The following ZNF496 variants were observed in gnomAD, a reference collection of about 807,000 sequenced individuals.
ZNF496 encodes the protein zinc finger protein 496, also known as NSD1 (nuclear receptor binding SET-domain containing 1)-interacting zinc finger protein 1.
ZNF496 carries 11 observed loss-of-function variants against 58.9 expected under a neutral mutation model. The ratio of observed to expected loss-of-function variants is 0.19; its 90% CI spans 0.12 to 0.31. The LOEUF (loss-of-function observed/expected upper bound fraction) is 0.31. Among genes scored for constraint, ZNF496 ranks in the 10% least tolerant of loss-of-function variants. ZNF496 has a pLI of 1.00. For synonymous variants in ZNF496, 338 were observed against 318.2 expected, an observed-to-expected ratio of 1.06 and a Z score of -0.66; for missense variants, 660 against 783.0, an observed-to-expected ratio of 0.84 and a Z score of 1.88.
intron 5 of ZNF496, among the ~76,000 whole-genome samples, chr1:247,326,676 T>C (rs1660137958): frequency 6.6e-6 from 1 of 152,214 alleles, no homozygotes; most frequent in African/African-American, 2.4e-5. Context: ...AATTCCTATG[T>C]TGAAGCCCTA....
chr1:247,314,298 T>A (rs1435070958), intron 6 of ZNF496, among the ~76,000 whole-genome samples: 1 of 152,100 alleles, frequency 6.6e-6, no homozygotes, highest in African/African-American at 2.4e-5. Flanking sequence ...CTCAAGCAGT[T>A]CTCCCACCTC....
At chr1:247,315,157 A>T (rs895189379) in intron 6 of ZNF496, among the ~76,000 whole-genome samples, 1 of 145,642 alleles carries the variant, frequency 6.9e-6, no homozygotes, top group South Asian at 2.2e-4. Flanking sequence ...ATGTTAATAT[A>T]AAAAAAAAAC....
chr1:247,300,876 C>T lies in ZNF496; in HGVS notation c.1407G>A (p.Gly469=), dbSNP rs2103014410. Residue 469 remains glycine (G), a synonymous_variant, in exon 10 of 10, where the codon GGG becomes GGA. Coordinates refer to ENST00000682384, the MANE Select transcript of ZNF496 (RefSeq NM_032752.3). This position sits in a 1 kb window ranked among gnomAD's most constrained non-coding sequence, Gnocchi z 5.7. ...AQKPYRCGAC[G]KSFRLNSHLL... ...GGTGGGAGTTCAGGCGGAAGCTCTTCCCGCAGGCACCACACCGGTAAGGCT... is the reference window on the plus strand; with the variant it reads ...GGTGGGAGTTCAGGCGGAAGCTCTTTCCGCAGGCACCACACCGGTAAGGCT... The T allele has an allele frequency of 1.2e-6, 2 of 1,611,538 alleles. No homozygotes were observed. Among genetic ancestry groups the T allele is most frequent in the Middle Eastern group, 1.7e-4 (1 of 6,050 alleles).
At chr1:247,305,556 C>T (rs920403500) in intron 9 of ZNF496, among the ~76,000 whole-genome samples, 6 of 152,148 alleles carry the variant, frequency 3.9e-5, no homozygotes, top group African/African-American at 7.2e-5. Context: ...CCATGACTAT[C>T]GCCTCAGGAA....
intron 5 of ZNF496, among the ~76,000 whole-genome samples, chr1:247,324,368 G>C (rs537505655): frequency 2.5e-4 from 38 of 152,340 alleles, no homozygotes; most frequent in Admixed American, 1.4e-3. Context: ...AGTGACATGA[G>C]AGGAGTAAAC....
chr1:247,300,188 G>A lies in ZNF496; in HGVS notation c.*331C>T. On this transcript the variant is annotated 3_prime_UTR_variant, in exon 10 of 10. Coordinates refer to ENST00000682384, the MANE Select transcript of ZNF496 (RefSeq NM_032752.3). The surrounding 1 kb of genome is among the most constrained non-coding windows in gnomAD (Gnocchi z 5.7). ...TGGTGACCAGGGTGCCGCCCTGACG[G>A]GGGATAGCCCAGTTTTACTCCCCGA... 1 of 220,014 alleles carries A rather than the reference G, an allele frequency of 4.5e-6. No homozygotes were observed. Among genetic ancestry groups the A allele is most frequent in the Non-Finnish European group, 8.9e-6 (1 of 111,882 alleles). The allele number at this position is 220,014 out of a possible 1,614,324, so 13.6% of individuals were successfully genotyped here. A position where few individuals can be genotyped will look rare whatever the true frequency, so the allele number is the denominator to read the frequency against.
At chr1:247,302,933 A>G (rs1347410249) in intron 9 of ZNF496, among the ~76,000 whole-genome samples, 1 of 152,204 alleles carries the variant, frequency 6.6e-6, no homozygotes, top group Non-Finnish European at 1.5e-5. Context: ...GAAGAAAACA[A>G]AGTGACAAGG....
chr1:247,319,526 C>T (rs1659890738), intron 6 of ZNF496, among the ~76,000 whole-genome samples: 1 of 152,176 alleles, frequency 6.6e-6, no homozygotes. Flanking sequence ...GAAAGACAAA[C>T]TTAAGCCCTA....
chr1:247,306,881 A>G (rs1038344194), intron 9 of ZNF496, among the ~76,000 whole-genome samples: 5 of 152,194 alleles, frequency 3.3e-5, no homozygotes, highest in Non-Finnish European at 4.4e-5. Context: ...CGGGTGCCCC[A>G]GCTGCAATAC....
At chr1:247,323,764 A>G (rs1572091506) in intron 5 of ZNF496, among the ~76,000 whole-genome samples, 1 of 130,898 alleles carries the variant, frequency 7.6e-6, no homozygotes, top group East Asian at 2.7e-4. Flanking sequence ...CTTAAAAAGA[A>G]AAAGAAAAAA....
chr1:247,308,702 T>G lies in ZNF496; in HGVS notation c.893-114A>C. 2 of 979,738 alleles carry G rather than the reference T, an allele frequency of 2.0e-6. No individual in the cohort carries two copies. Among genetic ancestry groups the G allele is most frequent in the Middle Eastern group, 2.3e-4 (1 of 4,416 alleles). The allele number at this position is 979,738 out of a possible 1,614,324, so 60.7% of individuals were successfully genotyped here. ...GATCTGGGGGCGGCCCTGGGCTCCGTCCTGGGGACTGGCAGGGGGTGGCCA... is the reference window on the plus strand; with the variant it reads ...GATCTGGGGGCGGCCCTGGGCTCCGGCCTGGGGACTGGCAGGGGGTGGCCA... On this transcript the variant is annotated intron_variant, in intron 8 of 9. Coordinates refer to ENST00000682384, the MANE Select transcript of ZNF496 (RefSeq NM_032752.3). This position sits in a 1 kb window ranked among gnomAD's most constrained non-coding sequence, Gnocchi z 4.5.
At chr1:247,315,255 G>A (rs1284351263) in intron 6 of ZNF496, among the ~76,000 whole-genome samples, 2 of 152,104 alleles carry the variant, frequency 1.3e-5, no homozygotes, top group Non-Finnish European at 2.9e-5. Flanking sequence ...CACCTTCAAT[G>A]CCTCCAGATG....
chr1:247,309,615 G>T lies in ZNF496; in HGVS notation c.892+84C>A. ...GAAGAAGGCAATTAGGGGCCGCAGA[G>T]AGAAGCCAGAGAGTGGGCTCACCTC... On this transcript the variant is annotated intron_variant, in intron 8 of 9. Coordinates refer to ENST00000682384, the MANE Select transcript of ZNF496 (RefSeq NM_032752.3). This position sits in a 1 kb window ranked among gnomAD's most constrained non-coding sequence, Gnocchi z 4.3. 1 of 1,567,190 alleles carries T rather than the reference G, an allele frequency of 6.4e-7. No individual in the cohort carries two copies. Among genetic ancestry groups the T allele is most frequent in the East Asian group, 2.3e-5 (1 of 43,684 alleles).
chr1:247,328,771 A>T lies in ZNF496; in HGVS notation c.486T>A (p.Leu162=). Residue 162 remains leucine (L), a synonymous_variant, in exon 5 of 10, where the codon CTT becomes CTA. Transcript: ENST00000682384. ...EQLPVEPHSD[L]AKNQDAQPIT... is the part of the protein sequence containing the mutation. Reference sequence around the variant, plus strand: ...TGGGCTGGGCATCCTGGTTCTTTGCAAGGTCGCTGTGGGGCTCTACCGGCA... The same window carrying T: ...TGGGCTGGGCATCCTGGTTCTTTGCTAGGTCGCTGTGGGGCTCTACCGGCA... The T allele has an allele frequency of 6.2e-7, 1 of 1,613,700 alleles. No individual in the cohort carries two copies. The highest frequency in any genetic ancestry group is 8.5e-7 in the Non-Finnish European group (1 of 1,179,898).
In ZNF496 at chr1:247,308,422, G is replaced by C. The variant is rs927670993; in HGVS notation, c.1006+53C>G. Reference sequence around the variant, plus strand: ...CACACATGCATACATACATTCATGCGACACACCACAGACACACAGGGACAA... The same window carrying C: ...CACACATGCATACATACATTCATGCCACACACCACAGACACACAGGGACAA... On this transcript the variant is annotated intron_variant, in intron 9 of 9. Transcript: ENST00000682384. The surrounding 1 kb of genome is among the most constrained non-coding windows in gnomAD (Gnocchi z 4.5). The C allele has an allele frequency of 1.3e-6, 2 of 1,518,892 alleles. No individual in the cohort carries two copies. The highest frequency in any genetic ancestry group is 1.8e-6 in the Non-Finnish European group (2 of 1,094,960). 94.1% of individuals were successfully genotyped at this position (1,518,892 alleles called of 1,614,324 possible).
At chr1:247,318,996 TTCTGATGGGGTCTCAC>T (rs149615563) in intron 6 of ZNF496, among the ~76,000 whole-genome samples, 51,948 of 151,884 alleles carry the variant, frequency 0.34, 9,593 homozygotes, top group East Asian at 0.52. Flanking sequence ...TCTTTTTCTT[TTCTGATGGGGTCTCAC>T]TCTGTCACCC....
intron 6 of ZNF496, among the ~76,000 whole-genome samples, chr1:247,319,519 A>C (rs1233014184): frequency 6.6e-6 from 1 of 152,248 alleles, no homozygotes; most frequent in Non-Finnish European, 1.5e-5. Flanking sequence ...AAAAACAGAA[A>C]GACAAACTTA....
intron 6 of ZNF496, among the ~76,000 whole-genome samples, chr1:247,321,242 T>G (rs1178377452): frequency 6.6e-6 from 1 of 152,108 alleles, no homozygotes; most frequent in African/African-American, 2.4e-5. Flanking sequence ...TTGAGGACAT[T>G]ATGCTGAATG....
In ZNF496 at chr1:247,323,223, T is replaced by C. The variant is rs776317921; in HGVS notation, c.582A>G (p.Gln194=). 1.2e-6 allele frequency: 2 copies of C among 1,613,928 alleles called. No homozygotes were observed. The highest frequency in any genetic ancestry group is 2.2e-5 in the East Asian group (1 of 44,874). The change falls in exon 6 of 10, where the codon CAA becomes CAG. Residue 194 remains glutamine (Q), a synonymous_variant. Coordinates refer to ENST00000682384, the MANE Select transcript of ZNF496 (RefSeq NM_032752.3). ...PSQLSGDPVL[Q]DAFLLQEENV... ...TCTCTTCCTGAAGAAGGAAAGCATC[T>C]TGCAGAACTGAAAGAGATCAGAAAA...
Sources: allele counts gnomAD v4.1 joint callset (sites outside exome capture counted in the v4.1 genomes callset), GRCh38; gene constraint gnomAD v4.1.1; non-coding constraint Gnocchi (gnomAD v3.1); transcripts MANE v1.5; gene names NCBI Gene and HGNC (gene_info 2026-07-23, HGNC 2026-07-21).